The following UPF2 variants were observed in gnomAD, a reference collection of about 807,000 sequenced individuals.
UPF2 encodes regulator of nonsense transcripts 2.
UPF2 carries 17 observed loss-of-function variants against 141.4 expected under a neutral mutation model. That is an observed-to-expected ratio of 0.12 (90% CI 0.08 to 0.18). UPF2 has a LOEUF of 0.18. Ranked by LOEUF, UPF2 falls within the 10% of genes least tolerant of loss-of-function variation. UPF2 has a pLI of 1.00. For synonymous variants in UPF2, 540 were observed against 498.0 expected, an observed-to-expected ratio of 1.08 and a Z score of -1.12; for missense variants, 1,152 against 1,515.9, an observed-to-expected ratio of 0.76 and a Z score of 3.99.
intron 14 of UPF2, among the ~76,000 whole-genome samples, chr10:11,952,541 C>A (rs1833090310): frequency 7.3e-6 from 1 of 136,516 alleles, no homozygotes; most frequent in Non-Finnish European, 1.5e-5. Flanking sequence ...GTGGCGCCAT[C>A]TCAGCTCACT....
At chr10:11,952,469 C>CTTTTTTTTTT (rs869201076) in intron 14 of UPF2, among the ~76,000 whole-genome samples, 1 of 97,744 alleles carries the variant, frequency 1.0e-5, no homozygotes, top group Admixed American at 1.4e-4. Context: ...TACTAAATAT[C>CTTTTTTTTTT]TTTTTTTTTT....
intron 8 of UPF2, among the ~76,000 whole-genome samples, chr10:11,993,202 T>G (rs1394693635): frequency 1.4e-5 from 2 of 142,176 alleles, no homozygotes; most frequent in Non-Finnish European, 3.0e-5. Flanking sequence ...TAATATCAGA[T>G]GAGTTGGAAT....
At chr10:12,011,122 C>G (rs1834119460) in intron 4 of UPF2, among the ~76,000 whole-genome samples, 1 of 152,190 alleles carries the variant, frequency 6.6e-6, no homozygotes, top group South Asian at 2.1e-4. Flanking sequence ...GCTAGGACTA[C>G]AGGCTTGTGC....
intron 8 of UPF2, among the ~76,000 whole-genome samples, chr10:11,981,814 T>G (rs891485287): frequency 6.6e-6 from 1 of 152,144 alleles, no homozygotes; most frequent in African/African-American, 2.4e-5. Context: ...GCCTCCCAAG[T>G]AGCTGGGATT....
intron 12 of UPF2, among the ~76,000 whole-genome samples, chr10:11,958,014 TA>T (rs937482388): frequency 6.6e-6 from 1 of 152,100 alleles, no homozygotes; most frequent in African/African-American, 2.4e-5. Flanking sequence ...CTAGACAAGT[TA>T]AAAATATGTG....
intron 2 of UPF2, among the ~76,000 whole-genome samples, chr10:12,033,183 C>T (rs546898541): frequency 3.3e-5 from 5 of 152,148 alleles, no homozygotes; most frequent in Middle Eastern, 3.4e-3. Flanking sequence ...GTGGGAGGAT[C>T]GCTTGAGCTC....
In UPF2 at chr10:12,010,990, T is replaced by A. The variant is rs531341697; in HGVS notation, c.1306+3034A>T. Among the ~76,000 whole-genome samples the A allele has an allele frequency of 4.6e-3, 689 of 151,290 alleles. 5 individuals carry two copies. The highest frequency in any genetic ancestry group is 0.014 in the Middle Eastern group (4 of 294). On this transcript the variant is annotated intron_variant, in intron 4 of 21. Transcript: ENST00000357604. Reference sequence around the variant, plus strand: ...TTAAGTTCTATGTCTGAAAAAAAAATTTTTTTTAAGAGATAGAGTCTCACT... The same window carrying A: ...TTAAGTTCTATGTCTGAAAAAAAAAATTTTTTTAAGAGATAGAGTCTCACT...
chr10:11,954,630 T>C (rs1355470453), intron 14 of UPF2, among the ~76,000 whole-genome samples: 1 of 15,332 alleles, frequency 6.5e-5, no homozygotes, highest in African/African-American at 1.7e-4. Flanking sequence ...CAAGACTTAC[T>C]CTCAAAAAAA....
chr10:11,974,860 G>A (rs562161360), intron 9 of UPF2, among the ~76,000 whole-genome samples: 7 of 152,262 alleles, frequency 4.6e-5, no homozygotes, highest in African/African-American at 1.7e-4. Context: ...TTGGAGTAGG[G>A]AGGGGAAACT....
intron 18 of UPF2, among the ~76,000 whole-genome samples, chr10:11,938,859 T>TG (rs1253788824): frequency 1.6e-3 from 111 of 70,828 alleles, no homozygotes; most frequent in East Asian, 0.013. Context: ...TTTTGTTTTT[T>TG]TTTTTTTTTT....
In UPF2 at chr10:11,921,178, A is replaced by AT; in HGVS notation, c.*119dup. 1 of 1,404,400 alleles carries AT rather than the reference A, an allele frequency of 7.1e-7. No homozygotes were observed. The allele number at this position is 1,404,400 out of a possible 1,614,324, so 87.0% of individuals were successfully genotyped here. On this transcript the variant is annotated 3_prime_UTR_variant, in exon 22 of 22. Coordinates refer to ENST00000357604, the MANE Select transcript of UPF2 (RefSeq NM_015542.4). The surrounding 1 kb of genome is among the most constrained non-coding windows in gnomAD (Gnocchi z 5.9). ...TGGCCCCAGCCTGTCCCAGGTTTAG[A>AT]TTCGCAACTCTCTAGACCGACCTGC...
At chr10:11,942,614 C>T in intron 18 of UPF2, 51 bp downstream of exon 18, 2 of 1,537,532 alleles carry the variant, frequency 1.3e-6, no homozygotes, top group Non-Finnish European at 1.8e-6. Flanking sequence ...ATGTAATGGG[C>T]TGCAATGTTT....
Position 11,948,490 on chromosome 10 carries a change from T to A in UPF2, c.3053A>T (p.Asp1018Val), listed in dbSNP as rs770008001. 1 of 1,612,732 alleles carries A rather than the reference T, an allele frequency of 6.2e-7. No homozygotes were observed. Among genetic ancestry groups the A allele is most frequent in the Non-Finnish European group, 8.5e-7 (1 of 1,179,898 alleles). ...TCCTTCTGTCATAGAATCTTTTGAG[T>A]CTTTGTCATTTACTAGGCCTTGAAA... Reference protein sequence around the residue: ...LIKLGLVNDKDSKDSMTEGEN... With the variant: ...LIKLGLVNDKVSKDSMTEGEN... The change falls in exon 16 of 22, where the codon GAC (aspartate) becomes GTC (valine). Residue 1018 changes from aspartate to valine, a missense_variant. Physicochemically the swap from Asp to Val is radical, Grantham distance 152 (BLOSUM62 -3). Around this residue, in one of 4 missense-constraint regions of UPF2, gnomAD observed 202 missense variants for 223.6 expected, o/e 0.90. Coordinates refer to ENST00000357604, the MANE Select transcript of UPF2 (RefSeq NM_015542.4).
At position 11,953,832 on chromosome 10, in the gene UPF2, G is replaced by A. The variant is rs1267133424; in HGVS notation, c.2850+1400C>T. ...TTTCCCTCTACTGCAAAAGAATAGC[G>A]GTAGGAGCAAGCTAACAGACCGCAA... On this transcript the variant is annotated intron_variant, in intron 14 of 21. Transcript: ENST00000357604. The surrounding 1 kb of genome is among the most constrained non-coding windows in gnomAD (Gnocchi z 5.0). 1.3e-5 allele frequency among the ~76,000 whole-genome samples: 2 copies of A among 152,158 alleles called. No individual in the cohort carries two copies. The highest frequency in any genetic ancestry group is 2.4e-5 in the African/African-American group (1 of 41,448).
chr10:11,941,943 A>G (rs928619624), intron 18 of UPF2, among the ~76,000 whole-genome samples: 2 of 152,252 alleles, frequency 1.3e-5, no homozygotes, highest in African/African-American at 2.4e-5. Flanking sequence ...TTTAAACATT[A>G]AATAACAAAC....
At position 11,997,144 on chromosome 10, in the gene UPF2, T is replaced by C. The variant is rs115625640; in HGVS notation, c.1844+528A>G. On this transcript the variant is annotated intron_variant, in intron 8 of 21. Transcript: ENST00000357604. ...GCATCAGAATTCTCTAAAAGCATTA[T>C]GCAACTGAATGTGTGTCTTGAATTA... 6.9e-3 allele frequency among the ~76,000 whole-genome samples: 1,057 copies of C among 152,352 alleles called. 15 individuals are homozygous for C. Among genetic ancestry groups the C allele is most frequent in the African/African-American group, 0.024 (988 of 41,580 alleles).
intron 15 of UPF2, 69 bp downstream of exon 15, chr10:11,951,997 T>C (rs1476625293): frequency 1.3e-6 from 2 of 1,517,356 alleles, no homozygotes; most frequent in Admixed American, 1.7e-5. Context: ...CTGGTAACAT[T>C]ATAAAGCAAA....
chr10:12,042,260 C>A lies in UPF2; in HGVS notation c.-19+495G>T, dbSNP rs2131326303. On this transcript the variant is annotated intron_variant, in intron 1 of 21. Coordinates refer to ENST00000357604, the MANE Select transcript of UPF2 (RefSeq NM_015542.4). The surrounding 1 kb of genome is among the most constrained non-coding windows in gnomAD (Gnocchi z 5.5). ...CCACGGTCACCTTCGCGGACCATCG[C>A]TGCCCCAACCCCAACTTCTCGCCCC... Among the ~76,000 whole-genome samples, 1 of 152,108 alleles carries A rather than the reference C, an allele frequency of 6.6e-6. No homozygotes were observed. Among genetic ancestry groups the A allele is most frequent in the Non-Finnish European group, 1.5e-5 (1 of 68,002 alleles).
chr10:11,923,091 A>T (rs1352071391), intron 21 of UPF2: 2 of 152,248 alleles, frequency 1.3e-5, no homozygotes, highest in African/African-American at 4.8e-5. Context: ...TAAAAGTCAG[A>T]TAGTATACTC....
Sources: allele counts gnomAD v4.1 joint callset (sites outside exome capture counted in the v4.1 genomes callset), GRCh38; gene constraint gnomAD v4.1.1; regional missense constraint gnomAD v4.1.1; non-coding constraint Gnocchi (gnomAD v3.1); transcripts MANE v1.5; gene names NCBI Gene and HGNC (gene_info 2026-07-23, HGNC 2026-07-21).